ZNF675: variants seen among roughly 807,000 people sequenced by gnomAD.
ZNF675 encodes the protein zinc finger protein 675.
ZNF675 carries 36 observed loss-of-function variants against 56.1 expected under a neutral mutation model. That is an observed-to-expected ratio of 0.64 (90% CI 0.49 to 0.85). ZNF675 has a LOEUF of 0.85. ZNF675 is among the 40% of genes least tolerant of loss of function. The pLI is 0.00. For missense variants in ZNF675, 663 were observed against 654.2 expected, an observed-to-expected ratio of 1.01 and a Z score of -0.15; for synonymous variants, 200 against 218.9, an observed-to-expected ratio of 0.91 and a Z score of 0.76.
chr19:23,654,207 G>C lies in ZNF675; in HGVS notation c.726C>G (p.Asn242Lys). The C allele has an allele frequency of 5.6e-6, 9 of 1,614,000 alleles. No individual in the cohort carries two copies. Among genetic ancestry groups the C allele is most frequent in the Non-Finnish European group, 6.8e-6 (8 of 1,179,958 alleles). Residue 242 changes from asparagine to lysine, a missense_variant, in exon 4 of 4, where the codon AAC becomes AAG. Transcript: ENST00000359788. Reference protein sequence around the residue: ...ECDRTFNQFSNLTEYKKDYAR... With the variant: ...ECDRTFNQFSKLTEYKKDYAR... ...CATAATCTTTTTTATATTCAGTAAG[G>C]TTTGAGAATTGGTTAAAAGTTCTGT...
In ZNF675 at chr19:23,653,439, A is replaced by C; in HGVS notation, c.1494T>G (p.His498Gln). The C allele has an allele frequency of 6.2e-7, 1 of 1,612,668 alleles. No homozygotes were observed. Among genetic ancestry groups the C allele is most frequent in the Non-Finnish European group, 8.5e-7 (1 of 1,179,640 alleles). ...AFKHSSSLTT[H>Q]KRIHTGEKPY... The stretch of plus-strand genomic sequence containing the variant: ...GTTTCTCCCCAGTATGAATTCTTTT[A>C]TGTGTAGTAAGGGATGAGGAGTGTT... Residue 498 changes from histidine (H) to glutamine (Q), a missense_variant, in exon 4 of 4, where the codon CAT becomes CAG. His to Gln is a conservative substitution (Grantham distance 24). This residue lies in a region of ZNF675 where 617 missense variants were observed against 590.5 expected (regional missense o/e 1.04). Coordinates refer to ENST00000359788, the MANE Select transcript of ZNF675 (RefSeq NM_138330.3).
chr19:23,668,695 C>T (rs1301160341), intron 1 of ZNF675, among the ~76,000 whole-genome samples: 6 of 152,172 alleles, frequency 3.9e-5, no homozygotes, highest in Non-Finnish European at 8.8e-5. Flanking sequence ...TAAGGCCCGG[C>T]GAGAAATCGA....
At chr19:23,680,525 G>T (rs1968363104) in intron 1 of ZNF675, among the ~76,000 whole-genome samples, 2 of 151,576 alleles carry the variant, frequency 1.3e-5, no homozygotes, top group South Asian at 4.1e-4. Flanking sequence ...TTGGGAGGCT[G>T]AGGTGGGTGA....
At chr19:23,658,358 T>G (rs1194121399) in intron 3 of ZNF675, 1 of 89,862 alleles carries the variant, frequency 1.1e-5, no homozygotes, top group Non-Finnish European at 2.2e-5. Context: ...CAAAACTCCA[T>G]CTCAAAATTA....
intron 1 of ZNF675, among the ~76,000 whole-genome samples, chr19:23,671,487 G>A (rs934711983): frequency 1.5e-4 from 23 of 152,086 alleles, no homozygotes; most frequent in African/African-American, 5.3e-4. Context: ...ATTGGGCAAA[G>A]GGATATACTA....
At chr19:23,684,273 A>C (rs1458717976) in intron 1 of ZNF675, among the ~76,000 whole-genome samples, 2 of 151,130 alleles carry the variant, frequency 1.3e-5, no homozygotes, top group East Asian at 4.0e-4. Context: ...AAAAAAAAAA[A>C]AAAAAAAAAC....
chr19:23,658,149 A>G (rs977490205), intron 3 of ZNF675, among the ~76,000 whole-genome samples: 11 of 152,030 alleles, frequency 7.2e-5, no homozygotes, highest in African/African-American at 2.7e-4. Context: ...TCACAAGTTC[A>G]GGGGTTTGAG....
chr19:23,658,787 A>G (rs9676829), intron 3 of ZNF675: 1 of 149,836 alleles, frequency 6.7e-6, no homozygotes, highest in African/African-American at 2.4e-5. Flanking sequence ...ATTGCTATAT[A>G]TATATCTATA....
intron 3 of ZNF675, among the ~76,000 whole-genome samples, chr19:23,659,906 G>A (rs1013928924): frequency 2.0e-5 from 3 of 152,126 alleles, no homozygotes; most frequent in Non-Finnish European, 4.4e-5. Context: ...CCAGCTCGCT[G>A]AGCCACAGTT....
Position 23,687,168 on chromosome 19 carries a change from A to G in ZNF675, c.-135T>C. ...AAGCGAGACCTGGAGCTCCGGCTGC[A>G]GCGAGAGACAAAGGCGCCGCCAAAT... On this transcript the variant is annotated 5_prime_UTR_variant, in exon 1 of 4. Transcript: ENST00000359788. The G allele has an allele frequency of 9.0e-7, 1 of 1,115,144 alleles. No individual in the cohort carries two copies. Among genetic ancestry groups the G allele is most frequent in the East Asian group, 2.4e-5 (1 of 41,080 alleles). The allele number at this position is 1,115,144 out of a possible 1,614,324, so 69.1% of individuals were successfully genotyped here. A position where few individuals can be genotyped will look rare whatever the true frequency, so the allele number is the denominator to read the frequency against.
chr19:23,663,908 C>T (rs893082406), intron 1 of ZNF675, among the ~76,000 whole-genome samples: 6 of 152,180 alleles, frequency 3.9e-5, no homozygotes, highest in African/African-American at 1.4e-4. Context: ...GAGTTATCTA[C>T]ACCTTTGCAT....
At chr19:23,682,555 CAAGCTTCTCTCAGGATA>C (rs1968390666) in intron 1 of ZNF675, among the ~76,000 whole-genome samples, 2 of 151,788 alleles carry the variant, frequency 1.3e-5, no homozygotes, top group South Asian at 4.1e-4. Context: ...CCAGGGCTCT[CAAGCTTCTCTCAGGATA>C]AAGCCTTCTT....
chr19:23,669,492 TG>T (rs59202156), intron 1 of ZNF675, among the ~76,000 whole-genome samples: 146,204 of 150,380 alleles, frequency 0.97, 71,190 homozygotes, highest in Middle Eastern at 1. Flanking sequence ...GGTGGGGGGG[TG>T]GGGGGAGCTT....
chr19:23,658,900 T>TCTATAGAGATAG (rs1568289191), intron 3 of ZNF675, among the ~76,000 whole-genome samples: 1 of 24,166 alleles, frequency 4.1e-5, no homozygotes, highest in Non-Finnish European at 1.1e-4. Flanking sequence ...GATCTATAGA[T>TCTATAGAGATAG]ATCTATAGAT....
intron 1 of ZNF675, among the ~76,000 whole-genome samples, chr19:23,679,257 C>A (rs1968344472): frequency 6.6e-6 from 1 of 151,130 alleles, no homozygotes; most frequent in Non-Finnish European, 1.5e-5. Context: ...ACCATACGAT[C>A]TTCAACAAAA....
intron 3 of ZNF675, 124 bp downstream of exon 3, chr19:23,661,990 C>T: frequency 1.4e-6 from 1 of 722,468 alleles, no homozygotes; most frequent in Middle Eastern, 2.5e-4. Context: ...AATACTCAGG[C>T]TTTCCAGAAA....
At chr19:23,661,345 A>T (rs1465995198) in intron 3 of ZNF675, among the ~76,000 whole-genome samples, 2 of 151,500 alleles carry the variant, frequency 1.3e-5, no homozygotes, top group Non-Finnish European at 2.9e-5. Flanking sequence ...TAATTTCAAG[A>T]CTACATTAGA....
intron 1 of ZNF675, among the ~76,000 whole-genome samples, chr19:23,680,142 C>T (rs780752804): frequency 8.6e-5 from 13 of 151,174 alleles, no homozygotes; most frequent in Non-Finnish European, 1.9e-4. Context: ...CCTGTCTCTA[C>T]TAAAAATAGA....
At chr19:23,661,727 C>T (rs990994957) in intron 3 of ZNF675, among the ~76,000 whole-genome samples, 4 of 151,962 alleles carry the variant, frequency 2.6e-5, no homozygotes, top group African/African-American at 9.7e-5. Context: ...GAAAAGAAAC[C>T]ACTTCTCATA....
Sources: allele counts gnomAD v4.1 joint callset (sites outside exome capture counted in the v4.1 genomes callset), GRCh38; gene constraint gnomAD v4.1.1; regional missense constraint gnomAD v4.1.1; transcripts MANE v1.5; gene names NCBI Gene and HGNC (gene_info 2026-07-23, HGNC 2026-07-21).